The following MED27 variants were observed in gnomAD, a reference collection of about 807,000 sequenced individuals.
The protein encoded by MED27 is mediator complex subunit 27, also known as mediator of RNA polymerase II transcription subunit 27.
In MED27, 30 loss-of-function variants were observed where a neutral mutation model predicts 38.2. The observed-to-expected ratio is 0.79, with a 90% CI of 0.59 to 1.07. The LOEUF (loss-of-function observed/expected upper bound fraction) is 1.07, where lower values mean the gene tolerates loss of function less well. MED27 is among the 50% of genes least tolerant of loss of function. MED27 has a pLI of 0.00. For missense variants in MED27, 289 were observed against 397.5 expected (o/e 0.73, Z 2.32); for synonymous variants, 122 against 153.5 (o/e 0.79, Z 1.52).
At chr9:131,880,156 T>C (rs965800670) in intron 6 of MED27, among the ~76,000 whole-genome samples, 3 of 151,710 alleles carry the variant, frequency 2.0e-5, no homozygotes, top group Non-Finnish European at 4.4e-5. Flanking sequence ...TCGTGCTTTC[T>C]ACCGCCATCT....
intron 3 of MED27, among the ~76,000 whole-genome samples, chr9:131,986,058 G>A (rs1049021032): frequency 2.0e-5 from 3 of 152,182 alleles, no homozygotes; most frequent in Non-Finnish European, 1.5e-5. Context: ...GTTGTACAAT[G>A]TATTTGTTTT....
chr9:131,948,696 T>C (rs1459049065), intron 3 of MED27, among the ~76,000 whole-genome samples: 1 of 152,074 alleles, frequency 6.6e-6, no homozygotes, highest in Non-Finnish European at 1.5e-5. Flanking sequence ...GTTGTTCTCT[T>C]CCAAGGAAAG....
At chr9:131,959,628 T>G (rs1051130128) in intron 3 of MED27, among the ~76,000 whole-genome samples, 4 of 152,194 alleles carry the variant, frequency 2.6e-5, no homozygotes, top group Non-Finnish European at 5.9e-5. Flanking sequence ...TCGATACACA[T>G]TTCCTAAAGC....
intron 3 of MED27, among the ~76,000 whole-genome samples, chr9:131,978,720 C>T (rs1831663786): frequency 6.6e-6 from 1 of 152,194 alleles, no homozygotes; most frequent in African/African-American, 2.4e-5. Context: ...ACTGTCCAAG[C>T]ATGGTTTCAC....
intron 3 of MED27, among the ~76,000 whole-genome samples, chr9:132,010,364 T>C (rs543912311): frequency 0.029 from 4,451 of 152,226 alleles, 213 homozygotes; most frequent in African/African-American, 0.097. Flanking sequence ...ATGGCAATCA[T>C]TAAAAAGTCA....
At chr9:131,877,320 C>T (rs913304880) in intron 6 of MED27, among the ~76,000 whole-genome samples, 3 of 152,156 alleles carry the variant, frequency 2.0e-5, no homozygotes, top group African/African-American at 7.2e-5. Context: ...AATCCCAGCA[C>T]TTTGGGAGGC....
intron 3 of MED27, among the ~76,000 whole-genome samples, chr9:131,991,548 A>G (rs1186156130): frequency 6.6e-6 from 1 of 152,190 alleles, no homozygotes; most frequent in Admixed American, 6.5e-5. Flanking sequence ...TTTTAATCTA[A>G]TTTCCTGTTT....
At chr9:132,068,748 C>T (rs779520903) in intron 2 of MED27, among the ~76,000 whole-genome samples, 5 of 151,620 alleles carry the variant, frequency 3.3e-5, no homozygotes, top group South Asian at 2.1e-4. Flanking sequence ...GTCTGAGAGG[C>T]CTGTGAGTCT....
chr9:131,914,589 G>A (rs993328722), intron 4 of MED27, among the ~76,000 whole-genome samples: 1 of 152,208 alleles, frequency 6.6e-6, no homozygotes, highest in Non-Finnish European at 1.5e-5. Flanking sequence ...CATTCTAGTG[G>A]GTGGAGCCTG....
intron 4 of MED27, among the ~76,000 whole-genome samples, chr9:131,902,324 G>A (rs565454794): frequency 3.4e-4 from 52 of 152,212 alleles, no homozygotes; most frequent in African/African-American, 9.9e-4. Flanking sequence ...CGAGAGCTGC[G>A]GCAGCAAGGG....
At chr9:131,926,608 T>C (rs1225095291) in intron 4 of MED27, among the ~76,000 whole-genome samples, 1 of 152,260 alleles carries the variant, frequency 6.6e-6, no homozygotes, top group Non-Finnish European at 1.5e-5. Flanking sequence ...TCTTAGTCCT[T>C]TTCAAGCCTG....
rs189741366 is a variant in MED27, at chr9:131,982,482, G to C, written c.479+31855C>G. ...TCGTGAGTAAATAAAATGTTTTGTT[G>C]TAAGTAGCCAAGTTTTGTCATGGTT... On this transcript the variant is annotated intron_variant, in intron 3 of 7. Transcript: ENST00000292035. The surrounding 1 kb of genome is among the most constrained non-coding windows in gnomAD (Gnocchi z 4.3). 1.4e-3 allele frequency among the ~76,000 whole-genome samples: 217 copies of C among 152,328 alleles called. 1 individual carries two copies. The highest frequency in any genetic ancestry group is 7.2e-3 in the Admixed American group (110 of 15,306).
At position 132,059,342 on chromosome 9, in the gene MED27, C is replaced by T. The variant is rs553986235; in HGVS notation, c.348+18100G>A. 2.0e-5 allele frequency among the ~76,000 whole-genome samples: 3 copies of T among 152,306 alleles called. No individual in the cohort carries two copies. The South Asian group carries it at 6.2e-4, about 32-fold the overall frequency. On this transcript the variant is annotated intron_variant, in intron 2 of 7. Transcript: ENST00000292035. ...GCCTGGGGGCTTAGTGAAAGGGAGG[C>T]CAGCTTCAAGTTTCAACAGTAATTT...
At chr9:132,025,234 G>A (rs1311876521) in intron 2 of MED27, among the ~76,000 whole-genome samples, 1 of 151,090 alleles carries the variant, frequency 6.6e-6, no homozygotes, top group African/African-American at 2.4e-5. Context: ...AGGCTGGAGT[G>A]CAATGGTGTG....
Position 131,939,418 on chromosome 9 carries a change from T to C in MED27, c.536A>G (p.His179Arg), listed in dbSNP as rs778802778. Residue 179 changes from histidine (H) to arginine (R), a missense_variant, in exon 4 of 8, where the codon CAC becomes CGC. Physicochemically the swap from His to Arg is conservative, Grantham distance 29 (BLOSUM62 0). Transcript: ENST00000292035. The stretch of plus-strand genomic sequence containing the variant: ...TGATGTTCCATTGGGTCTGGATAAG[T>C]GGATGGACATTTCAGGAAACATCCT... ...IDRMFPEMSI[H>R]LSRPNGTSAM... 2 of 1,612,554 alleles carry C rather than the reference T, an allele frequency of 1.2e-6. No individual in the cohort carries two copies. The highest frequency in any genetic ancestry group is 1.1e-5 in the South Asian group (1 of 90,744).
chr9:131,958,661 G>A (rs1831153226), intron 3 of MED27, among the ~76,000 whole-genome samples: 1 of 152,152 alleles, frequency 6.6e-6, no homozygotes, highest in African/African-American at 2.4e-5. Context: ...CAGTGCTAGG[G>A]AGGCCATCAG....
At chr9:132,036,184 T>C (rs912940316) in intron 2 of MED27, among the ~76,000 whole-genome samples, 1 of 152,176 alleles carries the variant, frequency 6.6e-6, no homozygotes, top group African/African-American at 2.4e-5. Flanking sequence ...GCAGGTCTTT[T>C]GGTTTATATG....
intron 3 of MED27, among the ~76,000 whole-genome samples, chr9:131,977,931 AC>A (rs762782575): frequency 2.0e-4 from 31 of 152,254 alleles, no homozygotes; most frequent in East Asian, 7.7e-4. Flanking sequence ...TGATAGATGA[AC>A]CGGGAAGATG....
intron 2 of MED27, among the ~76,000 whole-genome samples, chr9:132,035,947 T>C (rs112434179): frequency 0.019 from 2,889 of 151,968 alleles, 43 homozygotes; most frequent in African/African-American, 0.021. Flanking sequence ...GCCTGGGCAA[T>C]AGAGCAAGAC....
Sources: allele counts gnomAD v4.1 joint callset (sites outside exome capture counted in the v4.1 genomes callset), GRCh38; gene constraint gnomAD v4.1.1; non-coding constraint Gnocchi (gnomAD v3.1); transcripts MANE v1.5; gene names NCBI Gene and HGNC (gene_info 2026-07-23, HGNC 2026-07-21).